Variants in CLVS1 observed in about 807,000 individuals in gnomAD.
The protein encoded by CLVS1 is clavesin 1.
In CLVS1, 10 loss-of-function variants were observed where a neutral mutation model predicts 33.1. The observed-to-expected ratio is 0.30, with a 90% CI of 0.19 to 0.51. CLVS1 has a LOEUF of 0.51. CLVS1 is among the 20% of genes least tolerant of loss of function. The pLI, the probability that CLVS1 is intolerant of heterozygous loss-of-function variation, is 0.97. For synonymous variants in CLVS1, 163 were observed against 166.1 expected (o/e 0.98, Z 0.14); for missense variants, 343 against 433.4 (o/e 0.79, Z 1.85).
chr8:61,044,957 C>T, the CLVS1 span, among the ~76,000 whole-genome samples: 1 of 152,172 alleles, frequency 6.6e-6, no homozygotes, highest in Admixed American at 6.5e-5. Flanking sequence ...ACAAGAGCCA[C>T]TGCAGCAAAA....
At chr8:61,292,586 T>C (rs1300307173) in intron 1 of CLVS1, 1 of 329,988 alleles carries the variant, frequency 3.0e-6, no homozygotes, top group African/African-American at 2.1e-5. Flanking sequence ...TTCCTTTCTC[T>C]TCCCATTGAT....
chr8:61,421,995 G>A (rs971612027), intron 3 of CLVS1, among the ~76,000 whole-genome samples: 6 of 151,522 alleles, frequency 4.0e-5, no homozygotes, highest in African/African-American at 1.5e-4. Context: ...CTTTAGTCAG[G>A]AAACTGTTCA....
At chr8:61,273,345 C>A (rs930952221) in intron 2 of CLVS1, among the ~76,000 whole-genome samples, 1 of 152,068 alleles carries the variant, frequency 6.6e-6, no homozygotes, top group Non-Finnish European at 1.5e-5. Flanking sequence ...GCAGTCTGCC[C>A]GTTCTCAGAT....
intron 3 of CLVS1, among the ~76,000 whole-genome samples, chr8:61,438,634 CATTCCCACCAA>C (rs1252134547): frequency 2.6e-5 from 4 of 152,200 alleles, no homozygotes; most frequent in African/African-American, 9.7e-5. Context: ...AACTAATTTA[CATTCCCACCAA>C]CTGGGTAAAA....
At chr8:61,257,291 T>G (rs189049324) in intron 2 of CLVS1, among the ~76,000 whole-genome samples, 42 of 152,354 alleles carry the variant, frequency 2.8e-4, no homozygotes, top group Non-Finnish European at 5.3e-4. Context: ...CCCATTAAAC[T>G]GATGACGTTC....
At chr8:61,035,509 G>C in the CLVS1 span, among the ~76,000 whole-genome samples, 2 of 152,096 alleles carry the variant, frequency 1.3e-5, no homozygotes, top group East Asian at 3.8e-4. Flanking sequence ...TCTTGTGGCC[G>C]GCCCCGGGCG....
chr8:61,068,529 A>T (rs922988843), intron 1 of CLVS1, among the ~76,000 whole-genome samples: 3 of 151,988 alleles, frequency 2.0e-5, no homozygotes, highest in African/African-American at 7.3e-5. Flanking sequence ...ATTAGGAGAT[A>T]TTTATAGCCT....
chr8:61,355,418 TTTA>T (rs1255771543), intron 2 of CLVS1, among the ~76,000 whole-genome samples: 1 of 152,082 alleles, frequency 6.6e-6, no homozygotes, highest in African/African-American at 2.4e-5. Flanking sequence ...TTTTCTTTTT[TTTA>T]TTATTATTAT....
intron 3 of CLVS1, among the ~76,000 whole-genome samples, chr8:61,442,359 A>C (rs1296556834): frequency 6.6e-6 from 1 of 152,196 alleles, no homozygotes; most frequent in Non-Finnish European, 1.5e-5. Context: ...GGGACATGTG[A>C]GTTGTTTCCA....
At chr8:61,377,439 C>T (rs1177785307) in intron 3 of CLVS1, 1 of 152,184 alleles carries the variant, frequency 6.6e-6, no homozygotes, top group Admixed American at 6.5e-5. Flanking sequence ...ATTACTATTA[C>T]TATAACAAAT....
intron 2 of CLVS1, 179 bp downstream of exon 2, chr8:61,300,461 T>C (rs1747060831): frequency 5.2e-6 from 3 of 578,194 alleles, no homozygotes; most frequent in South Asian, 2.4e-5. Context: ...GATGGAACAA[T>C]AGAATTGTAA....
At chr8:61,027,222 G>A in the CLVS1 span, among the ~76,000 whole-genome samples, 1 of 152,138 alleles carries the variant, frequency 6.6e-6, no homozygotes, top group African/African-American at 2.4e-5. Flanking sequence ...AGTATCTTGA[G>A]GAGGCTCACA....
intron 2 of CLVS1, among the ~76,000 whole-genome samples, chr8:61,158,587 T>C (rs1185020849): frequency 6.6e-6 from 1 of 152,068 alleles, no homozygotes; most frequent in Admixed American, 6.5e-5. Flanking sequence ...GGGGCTCAGG[T>C]GGCCTGGGTT....
At chr8:61,442,470 C>T (rs1474878863) in intron 3 of CLVS1, among the ~76,000 whole-genome samples, 1 of 152,158 alleles carries the variant, frequency 6.6e-6, no homozygotes, top group Non-Finnish European at 1.5e-5. Context: ...AGTACAATTG[C>T]TGGGTCATAT....
intron 2 of CLVS1, among the ~76,000 whole-genome samples, chr8:61,199,785 G>GAAA (rs1807690159): frequency 1.3e-5 from 2 of 152,156 alleles, no homozygotes; most frequent in Non-Finnish European, 2.9e-5. Context: ...AAGGGGCTTT[G>GAAA]TCTCATCCCA....
At chr8:61,045,954 T>A in the CLVS1 span, among the ~76,000 whole-genome samples, 2 of 152,204 alleles carry the variant, frequency 1.3e-5, no homozygotes, top group African/African-American at 2.4e-5. Flanking sequence ...TACACTCTGA[T>A]GGTAGTTTCT....
At chr8:61,296,920 G>A (rs997247639) in intron 1 of CLVS1, among the ~76,000 whole-genome samples, 1 of 152,154 alleles carries the variant, frequency 6.6e-6, no homozygotes, top group Non-Finnish European at 1.5e-5. Context: ...TCTGGATAAA[G>A]AGAGAGAAAG....
chr8:61,102,084 G>A (rs1349153988), intron 1 of CLVS1, among the ~76,000 whole-genome samples: 2 of 152,022 alleles, frequency 1.3e-5, no homozygotes. Context: ...TGAGTCCCTT[G>A]AATTTTCATA....
rs144291962 is a variant in CLVS1 at position 61,107,719 on chromosome 8, C to T, written c.-242-24051C>T. ...CTGCTTCATCTGTGTCTCCCCATTG[C>T]GTTACTAAGCACAGCACCTTTGTTT... is the stretch of plus-strand genomic sequence containing the variant. On this transcript the variant is annotated intron_variant, in intron 1 of 2. Transcript: ENST00000522621. 3.9e-3 allele frequency among the ~76,000 whole-genome samples: 591 copies of T among 152,332 alleles called. 3 individuals are homozygous for T. The highest frequency in any genetic ancestry group is 0.024 in the Middle Eastern group (7 of 294).
Sources: gnomAD v4.1 joint callset for allele counts (sites outside exome capture counted in the v4.1 genomes callset) on GRCh38, gnomAD v4.1.1 for gene constraint, MANE v1.5 for transcripts, NCBI Gene and HGNC (gene_info 2026-07-23, HGNC 2026-07-21) for gene names.